CHODL: variants seen among roughly 807,000 people sequenced by gnomAD.
CHODL encodes the protein transmembrane protein MT75.
In CHODL, 29 loss-of-function variants were observed where a neutral mutation model predicts 34.5. The ratio of observed to expected loss-of-function variants is 0.84; its 90% CI spans 0.63 to 1.15. The LOEUF is 1.15. CHODL is among the 50% of genes most tolerant of loss of function. The pLI is 0.00. For missense variants in CHODL, 332 were observed against 332.5 expected, an observed-to-expected ratio of 1.00 and a Z score of 0.01; for synonymous variants, 125 against 116.1, an observed-to-expected ratio of 1.08 and a Z score of -0.49.
chr21:18,017,689 A>T (rs1439996927), intron 1 of CHODL, among the ~76,000 whole-genome samples: 1 of 152,254 alleles, frequency 6.6e-6, no homozygotes, highest in Non-Finnish European at 1.5e-5. Flanking sequence ...AGGACAATGC[A>T]GAGGGGAAAT....
At chr21:18,025,708 G>A (rs1230579872) in intron 1 of CHODL, among the ~76,000 whole-genome samples, 1 of 152,042 alleles carries the variant, frequency 6.6e-6, no homozygotes, top group Non-Finnish European at 1.5e-5. Flanking sequence ...GTTTCTCACA[G>A]ATCGGGGAGC....
rs59630058 is a variant in CHODL at position 17,980,091 on chromosome 21, C to CTTT, written c.-144-47767_-144-47765dup. ...TTCCTGTATTGACATTAAATTCATC[C>CTTT]TTTTTTTTTTTTTTTTGGTCTGGAG... On this transcript the variant is annotated intron_variant, in intron 1 of 6. Coordinates refer to the CHODL transcript ENST00000400127. Among the ~76,000 whole-genome samples the CTTT allele has an allele frequency of 2.0e-4, 27 of 134,966 alleles. 1 individual carries two copies. The highest frequency in any genetic ancestry group is 5.4e-4 in the African/African-American group (20 of 36,884). The allele number at this position is 134,966 out of a possible 152,430, so 88.5% of individuals were successfully genotyped here.
chr21:18,104,925 A>G (rs915477387), intron 2 of CHODL, among the ~76,000 whole-genome samples: 1 of 152,232 alleles, frequency 6.6e-6, no homozygotes, highest in Non-Finnish European at 1.5e-5. Context: ...AATGGTGCTA[A>G]TTGATGTGTT....
At chr21:17,992,250 A>G (rs1195776908) in intron 1 of CHODL, among the ~76,000 whole-genome samples, 1 of 152,152 alleles carries the variant, frequency 6.6e-6, no homozygotes, top group Non-Finnish European at 1.5e-5. Flanking sequence ...TTTCAAAGTC[A>G]GGTAGTGTGA....
chr21:18,213,885 A>C (rs1410197846), intron 2 of CHODL, among the ~76,000 whole-genome samples: 3 of 152,066 alleles, frequency 2.0e-5, no homozygotes, highest in African/African-American at 7.2e-5. Context: ...CACTATCCCC[A>C]CCAGTTTTTT....
At chr21:18,152,293 G>A (rs909717852) in intron 2 of CHODL, among the ~76,000 whole-genome samples, 3 of 152,068 alleles carry the variant, frequency 2.0e-5, no homozygotes, top group Admixed American at 6.6e-5. Flanking sequence ...TGAATAAATC[G>A]ATATTTGTTT....
intron 2 of CHODL, among the ~76,000 whole-genome samples, chr21:18,087,145 A>T (rs923778844): frequency 6.6e-6 from 1 of 152,026 alleles, no homozygotes; most frequent in Non-Finnish European, 1.5e-5. Flanking sequence ...AACTTGGCCC[A>T]TGTTAAAATG....
chr21:18,249,200 A>G (rs114453243), intron 1 of CHODL, among the ~76,000 whole-genome samples: 1,802 of 146,328 alleles, frequency 0.012, 41 homozygotes, highest in African/African-American at 0.043. Context: ...AACAATTTTT[A>G]CTATTTACAA....
intron 1 of CHODL, among the ~76,000 whole-genome samples, chr21:17,952,892 G>A (rs897137945): frequency 6.6e-6 from 1 of 152,050 alleles, no homozygotes; most frequent in African/African-American, 2.4e-5. Flanking sequence ...GGGAAGCAAG[G>A]GACATCTTAC....
intron 2 of CHODL, among the ~76,000 whole-genome samples, chr21:18,146,569 C>T (rs1253754056): frequency 3.3e-5 from 5 of 152,096 alleles, no homozygotes; most frequent in Non-Finnish European, 5.9e-5. Context: ...TTTGCTTCCC[C>T]TTCCATCATA....
intron 1 of CHODL, among the ~76,000 whole-genome samples, chr21:17,951,282 T>C (rs1461917941): frequency 1.2e-4 from 18 of 152,186 alleles, no homozygotes; most frequent in Non-Finnish European, 2.6e-4. Context: ...ATATCTTTGA[T>C]CTATTAAAAT....
intron 1 of CHODL, among the ~76,000 whole-genome samples, chr21:17,945,986 CT>C (rs1455606428): frequency 6.6e-6 from 1 of 151,908 alleles, no homozygotes; most frequent in African/African-American, 2.4e-5. Flanking sequence ...ACAAAGAGTA[CT>C]TTATCCAGCA....
chr21:18,249,476 A>G (rs2146792984), intron 1 of CHODL, among the ~76,000 whole-genome samples: 1 of 152,196 alleles, frequency 6.6e-6, no homozygotes, highest in East Asian at 1.9e-4. Flanking sequence ...TCTTATTTAA[A>G]TATTTGTAAC....
chr21:18,245,546 T>G (rs1042194731), intron 1 of CHODL, among the ~76,000 whole-genome samples: 1 of 152,190 alleles, frequency 6.6e-6, no homozygotes, highest in South Asian at 2.1e-4. Flanking sequence ...AGCCTCTGCT[T>G]CATTACGAGC....
At chr21:18,252,211 T>A (rs192221370) in intron 1 of CHODL, among the ~76,000 whole-genome samples, 2 of 152,154 alleles carry the variant, frequency 1.3e-5, no homozygotes, top group Non-Finnish European at 2.9e-5. Context: ...TTCGACGGCA[T>A]AAATGTAAGC....
At chr21:17,951,386 AG>A (rs2063456071) in intron 1 of CHODL, among the ~76,000 whole-genome samples, 1 of 152,142 alleles carries the variant, frequency 6.6e-6, no homozygotes, top group African/African-American at 2.4e-5. Flanking sequence ...TCTCTCTAGG[AG>A]GGCGTAAGGA....
intron 2 of CHODL, among the ~76,000 whole-genome samples, chr21:18,203,918 T>C (rs938637559): frequency 1.3e-4 from 20 of 152,150 alleles, no homozygotes; most frequent in Non-Finnish European, 2.6e-4. Context: ...CATTCTTATC[T>C]TAAGTGATTC....
At chr21:18,106,055 C>T (rs868539905) in intron 2 of CHODL, among the ~76,000 whole-genome samples, 1 of 152,182 alleles carries the variant, frequency 6.6e-6, no homozygotes, top group Non-Finnish European at 1.5e-5. Context: ...TCAGGGCTTA[C>T]CTGATAATCA....
At chr21:18,060,810 G>C (rs889362248) in intron 2 of CHODL, among the ~76,000 whole-genome samples, 1 of 151,728 alleles carries the variant, frequency 6.6e-6, no homozygotes, top group African/African-American at 2.4e-5. Flanking sequence ...GAGTCAACTT[G>C]TTTCTGTGTC....
Sources: allele counts gnomAD v4.1 joint callset (sites outside exome capture counted in the v4.1 genomes callset), GRCh38; gene constraint gnomAD v4.1.1; transcripts MANE v1.5; gene names NCBI Gene and HGNC (gene_info 2026-07-23, HGNC 2026-07-21).